The following TENM2 variants were observed in gnomAD, a reference collection of about 807,000 sequenced individuals.
TENM2 encodes teneurin transmembrane protein 2.
A neutral mutation model predicts 245.2 loss-of-function variants in TENM2; 52 were observed. The ratio of observed to expected loss-of-function variants is 0.21; its 90% CI spans 0.17 to 0.27. The LOEUF (loss-of-function observed/expected upper bound fraction) is 0.27, where lower values mean the gene tolerates loss of function less well. Ranked by LOEUF, TENM2 falls within the 10% of genes least tolerant of loss-of-function variation. TENM2 has a pLI of 1.00. For synonymous variants in TENM2, 1,363 were observed against 1,438.9 expected (o/e 0.95, Z 1.19); for missense variants, 3,046 against 3,666.8 (o/e 0.83, Z 4.37).
chr5:167,887,700 TAGGGTAC>T (rs1021424478), intron 3 of TENM2, among the ~76,000 whole-genome samples: 5 of 152,234 alleles, frequency 3.3e-5, no homozygotes, highest in Non-Finnish European at 7.3e-5. Flanking sequence ...AAATGTTTTG[TAGGGTAC>T]AGCTACAATC....
intron 2 of TENM2, among the ~76,000 whole-genome samples, chr5:167,738,848 A>T (rs1760981451): frequency 6.6e-6 from 1 of 152,160 alleles, no homozygotes; most frequent in African/African-American, 2.4e-5. Flanking sequence ...CAGTCAGATT[A>T]GATTAGGGCC....
chr5:167,403,382 T>G (rs1295680283), intron 2 of TENM2, among the ~76,000 whole-genome samples: 1 of 152,120 alleles, frequency 6.6e-6, no homozygotes, highest in Non-Finnish European at 1.5e-5. Flanking sequence ...CATAGCTTAC[T>G]TATGCTATGC....
chr5:167,815,084 C>T (rs1466245303), intron 2 of TENM2, among the ~76,000 whole-genome samples: 1 of 152,172 alleles, frequency 6.6e-6, no homozygotes, highest in Admixed American at 6.5e-5. Flanking sequence ...ACACACAGTT[C>T]TCTGTTGTGT....
rs79408697 is a variant in TENM2 at position 167,561,292 on chromosome 5, T to C, written c.502+185819T>C. On this transcript the variant is annotated intron_variant, in intron 2 of 28. Transcript: ENST00000518659. Reference sequence around the variant, plus strand: ...TTCATTCTTTAATATCAAAGAGAGCTAGGTTCTTTGAAATGTAAAACATCA... The same window carrying C: ...TTCATTCTTTAATATCAAAGAGAGCCAGGTTCTTTGAAATGTAAAACATCA... 6.9e-3 allele frequency among the ~76,000 whole-genome samples: 1,055 copies of C among 152,296 alleles called. 13 individuals are homozygous for C. Among genetic ancestry groups the C allele is most frequent in the African/African-American group, 0.024 (999 of 41,548 alleles).
chr5:168,157,118 G>GCCAT lies in TENM2; in HGVS notation c.2423-5492_2423-5489dup, dbSNP rs566918354. Reference sequence around the variant, plus strand: ...ACCACATAAAGGAAAGGATAAAGATGCCATGACTGGTGCTGCTGGCATGAG... The same window carrying GCCAT: ...ACCACATAAAGGAAAGGATAAAGATGCCATCCATGACTGGTGCTGCTGGCATGAG... On this transcript the variant is annotated intron_variant, in intron 12 of 28. Coordinates refer to ENST00000518659, the Ensembl canonical transcript of TENM2. Among the ~76,000 whole-genome samples the GCCAT allele has an allele frequency of 1.3e-4, 20 of 152,312 alleles. No homozygotes were observed. In the South Asian group the frequency reaches 3.7e-3, roughly 28 times the overall value.
At chr5:167,426,066 G>A (rs1338887679) in intron 2 of TENM2, among the ~76,000 whole-genome samples, 2 of 152,082 alleles carry the variant, frequency 1.3e-5, no homozygotes, top group East Asian at 1.9e-4. Context: ...GAATGAAATC[G>A]ACTTCAAAAT....
intron 2 of TENM2, among the ~76,000 whole-genome samples, chr5:167,613,086 A>G (rs1777576401): frequency 6.6e-6 from 1 of 152,062 alleles, no homozygotes; most frequent in African/African-American, 2.4e-5. Flanking sequence ...GCAACTACCA[A>G]CTATCAAGTG....
the TENM2 span, among the ~76,000 whole-genome samples, chr5:167,214,411 T>C: frequency 3.1e-4 from 47 of 152,292 alleles, no homozygotes; most frequent in African/African-American, 1.1e-3. Flanking sequence ...CAGAGGCACA[T>C]CAAGCCTTTT....
intron 2 of TENM2, among the ~76,000 whole-genome samples, chr5:167,820,586 T>G (rs1399302977): frequency 2.0e-5 from 3 of 152,198 alleles, no homozygotes; most frequent in Non-Finnish European, 4.4e-5. Context: ...TGGTGTGGCC[T>G]GGATGGCTCC....
intron 3 of TENM2, among the ~76,000 whole-genome samples, chr5:167,918,870 T>C (rs1777146629): frequency 6.6e-6 from 1 of 151,022 alleles, no homozygotes. Flanking sequence ...GGGGACAAAA[T>C]GTTCTTCCGA....
At chr5:168,035,257 C>A (rs1787557960) in intron 5 of TENM2, among the ~76,000 whole-genome samples, 1 of 152,102 alleles carries the variant, frequency 6.6e-6, no homozygotes, top group Non-Finnish European at 1.5e-5. Context: ...CCTGTAATCC[C>A]AGTACTGTGG....
chr5:167,219,378 A>G, the TENM2 span, among the ~76,000 whole-genome samples: 1 of 152,182 alleles, frequency 6.6e-6, no homozygotes. Flanking sequence ...GGATACCCCT[A>G]TGTTAACAGA....
intron 2 of TENM2, among the ~76,000 whole-genome samples, chr5:167,861,051 TTA>T (rs1491305041): frequency 7.9e-5 from 2 of 25,360 alleles, no homozygotes; most frequent in Non-Finnish European, 2.5e-4. Flanking sequence ...AAAAAAAAAA[TTA>T]AAAAAAAAAA....
chr5:167,313,960 C>T (rs909161308), intron 1 of TENM2, among the ~76,000 whole-genome samples: 17 of 152,184 alleles, frequency 1.1e-4, no homozygotes, highest in Non-Finnish European at 2.2e-4. Context: ...TATTCCCTGT[C>T]CCGAGTCTCA....
intron 7 of TENM2, among the ~76,000 whole-genome samples, chr5:168,083,704 G>T (rs1792198161): frequency 6.6e-6 from 1 of 152,064 alleles, no homozygotes; most frequent in South Asian, 2.1e-4. Context: ...TTTTGCTGAG[G>T]TTGGAAACAA....
intron 4 of TENM2, among the ~76,000 whole-genome samples, chr5:167,975,988 G>C (rs528000654): frequency 6.6e-6 from 1 of 152,274 alleles, no homozygotes; most frequent in Non-Finnish European, 1.5e-5. Flanking sequence ...ATTTAGAATT[G>C]TTTTGATGAC....
intron 17 of TENM2, 77 bp downstream of exon 19, chr5:168,200,208 G>T: frequency 7.4e-7 from 1 of 1,352,320 alleles, no homozygotes; most frequent in Non-Finnish European, 1.0e-6. Context: ...ATTGAGTTCC[G>T]AGGATATGCC....
the TENM2 span, among the ~76,000 whole-genome samples, chr5:167,166,554 T>G: frequency 1.3e-5 from 2 of 152,190 alleles, no homozygotes; most frequent in Admixed American, 6.5e-5. Context: ...GGAGGTTTAT[T>G]ATGATTTTGC....
chr5:167,755,340 A>T (rs1762240276), intron 2 of TENM2: 4 of 588,564 alleles, frequency 6.8e-6, no homozygotes, highest in Non-Finnish European at 1.2e-5. Flanking sequence ...TTCGCACCGC[A>T]GTTGTCTTAA....
Sources: allele counts gnomAD v4.1 joint callset (sites outside exome capture counted in the v4.1 genomes callset), GRCh38; gene constraint gnomAD v4.1.1; transcripts MANE v1.5; gene names NCBI Gene and HGNC (gene_info 2026-07-23, HGNC 2026-07-21).